DPH6: variants seen among roughly 807,000 people sequenced by gnomAD.
The protein encoded by DPH6 is diphthamine biosynthesis 6.
DPH6 carries 33 observed loss-of-function variants against 38.2 expected under a neutral mutation model. That is an observed-to-expected ratio of 0.86 (90% confidence interval 0.65 to 1.15). The LOEUF (loss-of-function observed/expected upper bound fraction) is 1.15, where lower values mean the gene tolerates loss of function less well. DPH6 is among the 50% of genes most tolerant of loss of function. The pLI is 0.00. For missense variants in DPH6, 325 were observed against 320.0 expected (o/e 1.02, Z -0.12); for synonymous variants, 108 against 103.0 (o/e 1.05, Z -0.30).
chr15:35,354,958 T>C (rs1246991174), intron 3 of DPH6, among the ~76,000 whole-genome samples: 1 of 152,232 alleles, frequency 6.6e-6, no homozygotes, highest in African/African-American at 2.4e-5. Context: ...GCTTTATGAA[T>C]CTGGGTGCTC....
chr15:35,478,362 CACAT>C (rs775984808), intron 3 of DPH6, among the ~76,000 whole-genome samples: 7 of 83,842 alleles, frequency 8.3e-5, no homozygotes, highest in South Asian at 1.1e-3. Context: ...CACATACCCA[CACAT>C]ACACACACAC....
At chr15:35,539,989 G>A (rs999559005) in intron 2 of DPH6, among the ~76,000 whole-genome samples, 1 of 152,014 alleles carries the variant, frequency 6.6e-6, no homozygotes, top group South Asian at 2.1e-4. Context: ...GCCTTCTCTC[G>A]TCTCAAAATT....
chr15:35,253,373 G>A (rs2051687009), intron 3 of DPH6, among the ~76,000 whole-genome samples: 1 of 152,068 alleles, frequency 6.6e-6, no homozygotes, highest in South Asian at 2.1e-4. Context: ...CTTATATTCT[G>A]GTGCACAGGA....
intron 3 of DPH6, among the ~76,000 whole-genome samples, chr15:35,359,959 T>A (rs1178861088): frequency 8.5e-5 from 13 of 152,204 alleles, no homozygotes; most frequent in Non-Finnish European, 1.9e-4. Context: ...TTATAGCTTA[T>A]TAAACTTCTT....
At chr15:35,207,807 CAAATTACTGTAAGT>C in the DPH6 span, among the ~76,000 whole-genome samples, 1 of 152,134 alleles carries the variant, frequency 6.6e-6, no homozygotes, top group African/African-American at 2.4e-5. Flanking sequence ...GATTCTGTAG[CAAATTACTGTAAGT>C]AGTGCCTAAC....
intron 3 of DPH6, among the ~76,000 whole-genome samples, chr15:35,359,193 G>C (rs543704503): frequency 6.6e-6 from 1 of 152,054 alleles, no homozygotes; most frequent in African/African-American, 2.4e-5. Flanking sequence ...GCCTCACCCA[G>C]CTCCCAGCAA....
Position 35,538,519 on chromosome 15 carries a change from G to T in DPH6, c.119-52C>A, listed in dbSNP as rs750137611. On this transcript the variant is annotated intron_variant, in intron 2 of 8. Coordinates refer to ENST00000256538, the MANE Select transcript of DPH6 (RefSeq NM_080650.4). Reference sequence around the variant, plus strand: ...AGCAAAAGAGAGTGAAAAAGAAAGCGGATTTGAAAGCCCATCCAGGTTTTA... The same window carrying T: ...AGCAAAAGAGAGTGAAAAAGAAAGCTGATTTGAAAGCCCATCCAGGTTTTA... 4.3e-6 allele frequency: 6 copies of T among 1,385,016 alleles called. No individual in the cohort carries two copies. The Admixed American group carries it at 7.0e-5, about 16-fold the overall frequency. 85.8% of individuals were successfully genotyped at this position (1,385,016 alleles called of 1,614,324 possible).
chr15:35,356,780 T>G (rs1257448218), intron 3 of DPH6, among the ~76,000 whole-genome samples: 1 of 152,198 alleles, frequency 6.6e-6, no homozygotes, highest in Non-Finnish European at 1.5e-5. Flanking sequence ...TCAAGCTGCA[T>G]GCTGGGAGAA....
At chr15:35,182,026 CAA>C in the DPH6 span, among the ~76,000 whole-genome samples, 1 of 151,872 alleles carries the variant, frequency 6.6e-6, no homozygotes, top group Non-Finnish European at 1.5e-5. Flanking sequence ...GCATGTGTCA[CAA>C]TAAAGTAATA....
intron 3 of DPH6, among the ~76,000 whole-genome samples, chr15:35,513,884 A>G (rs920226003): frequency 2.6e-5 from 4 of 152,064 alleles, no homozygotes; most frequent in Non-Finnish European, 4.4e-5. Context: ...TATTATGTTA[A>G]TAAGTAACTT....
At chr15:35,316,910 A>T (rs914397549) in intron 3 of DPH6, among the ~76,000 whole-genome samples, 1 of 152,198 alleles carries the variant, frequency 6.6e-6, no homozygotes, top group Non-Finnish European at 1.5e-5. Flanking sequence ...CAATGGAAAT[A>T]TATCTTCAAG....
chr15:35,184,574 G>T, the DPH6 span, among the ~76,000 whole-genome samples: 1 of 152,226 alleles, frequency 6.6e-6, no homozygotes, highest in African/African-American at 2.4e-5. Flanking sequence ...ATATACTAAG[G>T]TTGATTGATT....
At chr15:35,283,441 C>T (rs1030392038) in intron 3 of DPH6, among the ~76,000 whole-genome samples, 43 of 151,916 alleles carry the variant, frequency 2.8e-4, no homozygotes, top group African/African-American at 7.7e-4. Flanking sequence ...GGACCACAGG[C>T]GCCCACCACC....
rs1219209954 is a variant in DPH6 at position 35,243,264 on chromosome 15, C to T, written n.201-22682G>A. ...TAATCTCTCCCACTCTAGGTTCCCACGCCGCCCCTAATACCGCTTGAAGCA... is the reference window on the plus strand; with the variant it reads ...TAATCTCTCCCACTCTAGGTTCCCATGCCGCCCCTAATACCGCTTGAAGCA... On this transcript the variant is annotated intron_variant and non_coding_transcript_variant, in intron 3 of 3. Transcript: ENST00000560386. Among the ~76,000 whole-genome samples, 5 of 142,376 alleles carry T rather than the reference C, an allele frequency of 3.5e-5. 2 individuals carry two copies. The highest frequency in any genetic ancestry group is 5.1e-5 in the African/African-American group (2 of 39,152). The allele number at this position is 142,376 out of a possible 152,430, so 93.4% of individuals were successfully genotyped here.
intron 5 of DPH6, among the ~76,000 whole-genome samples, chr15:35,439,599 A>G (rs938747988): frequency 1.3e-5 from 2 of 152,156 alleles, no homozygotes; most frequent in Middle Eastern, 3.2e-3. Context: ...GCTTGGGAAA[A>G]CTGTCTATAG....
intron 3 of DPH6, chr15:35,299,219 TG>T: frequency 8.0e-7 from 1 of 1,255,202 alleles, no homozygotes; most frequent in Non-Finnish European, 1.2e-6. Context: ...TCAGCCCAGC[TG>T]GCACATGCGG....
intron 3 of DPH6, among the ~76,000 whole-genome samples, chr15:35,457,172 CT>C (rs2054007946): frequency 6.6e-6 from 1 of 151,978 alleles, no homozygotes; most frequent in Non-Finnish European, 1.5e-5. Context: ...CCAGGCTGGT[CT>C]CGAACTCCTG....
At chr15:35,255,576 T>C (rs1434478240) in intron 3 of DPH6, among the ~76,000 whole-genome samples, 1 of 152,216 alleles carries the variant, frequency 6.6e-6, no homozygotes, top group Non-Finnish European at 1.5e-5. Context: ...TGTTTTTCTT[T>C]GATCATTAGC....
intron 3 of DPH6, among the ~76,000 whole-genome samples, chr15:35,260,078 A>G (rs1265777310): frequency 2.0e-5 from 3 of 152,178 alleles, no homozygotes; most frequent in African/African-American, 7.2e-5. Context: ...ATGCATCTTT[A>G]AGAACAAATA....
Sources: allele counts gnomAD v4.1 joint callset (sites outside exome capture counted in the v4.1 genomes callset), GRCh38; gene constraint gnomAD v4.1.1; transcripts MANE v1.5; gene names NCBI Gene and HGNC (gene_info 2026-07-23, HGNC 2026-07-21).